LBP: variants seen among roughly 807,000 people sequenced by gnomAD.
LBP encodes the protein lipopolysaccharide-binding protein.
Under a neutral mutation model 56.6 loss-of-function variants are expected in LBP, and 53 were observed. The ratio of observed to expected loss-of-function variants is 0.94; its 90% CI spans 0.75 to 1.18. LBP has a LOEUF of 1.18. LBP is among the 50% of genes most tolerant of loss of function. The probability of loss-of-function intolerance (pLI) is 0.00; values close to 1 mark genes in which losing one functional copy is unlikely to be tolerated. For missense variants in LBP, 601 were observed against 598.3 expected, an observed-to-expected ratio of 1.00 and a Z score of -0.05; for synonymous variants, 227 against 247.5, an observed-to-expected ratio of 0.92 and a Z score of 0.78.
At chr20:38,371,163 C>T (rs569785633) in intron 11 of LBP, 117 bp from the exon 12 acceptor site, 131 of 740,442 alleles carry the variant, frequency 1.8e-4, no homozygotes, top group African/African-American at 1.7e-3. Context: ...CTCCTGCTCC[C>T]GCCCTACCTT....
chr20:38,360,888 C>T (rs552908835), intron 6 of LBP, 121 bp downstream of exon 6: 22 of 685,484 alleles, frequency 3.2e-5, no homozygotes, highest in South Asian at 2.7e-4. Context: ...AAGGGCCAGG[C>T]GCAGCGGCTC....
intron 9 of LBP, 112 bp from the exon 10 acceptor site, chr20:38,368,883 G>A (rs1038253694): frequency 2.2e-5 from 24 of 1,114,974 alleles, no homozygotes; most frequent in South Asian, 1.1e-4. Context: ...GAATTTTGTT[G>A]GAAATAAAAT....
Position 38,365,773 on chromosome 20 carries a change from A to C in LBP, c.922-996A>C, listed in dbSNP as rs1402660472. Among the ~76,000 whole-genome samples, 5 of 149,518 alleles carry C rather than the reference A, an allele frequency of 3.3e-5. No homozygotes were observed. The East Asian group carries it at 9.7e-4, about 29-fold the overall frequency. On this transcript the variant is annotated intron_variant, in intron 8 of 14. Transcript: ENST00000217407. The stretch of plus-strand genomic sequence containing the variant: ...ATATGTGAATGAGGCAAGATAATAC[A>C]TGCACTGATAAATGCATATATTTTC...
intron 9 of LBP, 60 bp from the exon 10 acceptor site, chr20:38,368,935 C>G: frequency 1.9e-6 from 3 of 1,543,230 alleles, no homozygotes; most frequent in Non-Finnish European, 1.8e-6. Flanking sequence ...TCCCTCAGGC[C>G]TCTCCTGGCA....
intron 6 of LBP, among the ~76,000 whole-genome samples, chr20:38,363,163 A>C (rs1213618278): frequency 6.6e-6 from 1 of 152,080 alleles, no homozygotes; most frequent in Non-Finnish European, 1.5e-5. Context: ...CTATGGTCGC[A>C]TGTCTTTGGG....
rs138723108 is a variant in LBP at position 38,370,802 on chromosome 20, G to T, written c.1214G>T (p.Gly405Val). The change falls in exon 11 of 15, where the codon GGA (glycine) becomes GTA (valine). Residue 405 changes from glycine (G) to valine (V), a missense_variant. Physicochemically the swap from Gly to Val is moderately radical, Grantham distance 109. Coordinates refer to ENST00000217407, the MANE Select transcript of LBP (RefSeq NM_004139.5). The stretch of plus-strand genomic sequence containing the variant: ...AAGATCACTGGGTTCCTGAAGCCAG[G>T]AAAGTAAGTTGGCCTCCTACCTACA... ...TSKITGFLKP[G>V]KVKVELKESK... 13 of 1,613,682 alleles carry T rather than the reference G, an allele frequency of 8.1e-6. No individual in the cohort carries two copies. In the East Asian group the frequency reaches 2.2e-4, roughly 28 times the overall value.
chr20:38,360,865 G>A, intron 6 of LBP, 98 bp downstream of exon 6: 1 of 954,066 alleles, frequency 1.0e-6, no homozygotes. Flanking sequence ...CAAAAATATA[G>A]AAAGTAAAAA....
At chr20:38,374,110 C>A in intron 14 of LBP, 97 bp downstream of exon 14, 1 of 1,280,246 alleles carries the variant, frequency 7.8e-7, no homozygotes, top group Non-Finnish European at 1.1e-6. Flanking sequence ...CCCAGCCCAG[C>A]CCTGCAGCTG....
chr20:38,352,839 A>C (rs2076825224), intron 3 of LBP, among the ~76,000 whole-genome samples: 1 of 152,028 alleles, frequency 6.6e-6, no homozygotes, highest in African/African-American at 2.4e-5. Flanking sequence ...TTATAAATAA[A>C]TAAATCTCAT....
chr20:38,361,388 T>C (rs79741204), intron 6 of LBP, among the ~76,000 whole-genome samples: 3,724 of 152,204 alleles, frequency 0.024, 161 homozygotes, highest in African/African-American at 0.084. Flanking sequence ...TTCATATACA[T>C]ATAGTATAGG....
intron 12 of LBP, 51 bp downstream of exon 12, chr20:38,371,373 G>A: frequency 2.2e-6 from 3 of 1,384,512 alleles, no homozygotes; most frequent in South Asian, 1.2e-5. Flanking sequence ...AATTTGGGGT[G>A]TTTCCTAAGC....
At chr20:38,372,668 G>A (rs749833882) in intron 12 of LBP, among the ~76,000 whole-genome samples, 7 of 152,118 alleles carry the variant, frequency 4.6e-5, no homozygotes, top group East Asian at 1.9e-4. Context: ...AGACATGCAC[G>A]TAAAGCTCTG....
Position 38,366,820 on chromosome 20 carries a change from G to A in LBP, c.973G>A (p.Val325Ile), listed in dbSNP as rs143256886. Residue 325 changes from valine to isoleucine, a missense_variant, in exon 9 of 15, where the codon GTC (valine) becomes ATC (isoleucine). Val to Ile is a conservative substitution (Grantham distance 29). Transcript: ENST00000217407. ...GACCACCAAGTCCTTCCGACCCTTC[G>A]TCCCACGGGTAAGGAGTCCCTTAGT... is the stretch of plus-strand genomic sequence containing the variant. ...RLTTKSFRPF[V>I]PRLARLYPNM... The A allele has an allele frequency of 3.9e-5, 63 of 1,613,896 alleles. No homozygotes were observed. The African/African-American group carries it at 5.2e-4, about 13-fold the overall frequency.
Position 38,370,720 on chromosome 20 carries a change from T to G in LBP, c.1150-18T>G, listed in dbSNP as rs2076897962. On this transcript the variant is annotated intron_variant, in intron 10 of 14. Coordinates refer to ENST00000217407, the MANE Select transcript of LBP (RefSeq NM_004139.5). Reference sequence around the variant, plus strand: ...ACCTTCATCACTTACACCTGCTTCCTTCTTCTGGCATTTCCAGGCCACTAA... The same window carrying G: ...ACCTTCATCACTTACACCTGCTTCCGTCTTCTGGCATTTCCAGGCCACTAA... The G allele has an allele frequency of 2.5e-6, 4 of 1,611,814 alleles. No individual in the cohort carries two copies. Among genetic ancestry groups the G allele is most frequent in the Non-Finnish European group, 3.4e-6 (4 of 1,178,012 alleles).
intron 6 of LBP, among the ~76,000 whole-genome samples, chr20:38,361,843 C>T (rs1359610203): frequency 6.6e-6 from 1 of 151,878 alleles, no homozygotes; most frequent in Non-Finnish European, 1.5e-5. Flanking sequence ...TTTTTCAGAG[C>T]CCCTGGTGTC....
At chr20:38,357,576 G>A (rs2076845729) in intron 5 of LBP, among the ~76,000 whole-genome samples, 1 of 152,210 alleles carries the variant, frequency 6.6e-6, no homozygotes, top group Non-Finnish European at 1.5e-5. Flanking sequence ...TCCTGATCCA[G>A]AACCTCAAGA....
intron 4 of LBP, 84 bp downstream of exon 4, chr20:38,354,523 T>G: frequency 7.6e-7 from 1 of 1,311,120 alleles, no homozygotes; most frequent in South Asian, 1.5e-5. Context: ...CTCCGATAAT[T>G]GCAATGATCC....
intron 5 of LBP, among the ~76,000 whole-genome samples, chr20:38,358,567 T>C (rs1038519069): frequency 6.6e-6 from 1 of 152,192 alleles, no homozygotes; most frequent in Admixed American, 6.5e-5. Flanking sequence ...CTCACCACAC[T>C]TGACCTTGCT....
At chr20:38,350,761 G>C (rs371618770) in intron 2 of LBP, 50 bp from the exon 3 acceptor site, 1 of 1,566,054 alleles carries the variant, frequency 6.4e-7, no homozygotes, top group South Asian at 1.2e-5. Flanking sequence ...CCCTGGTGAG[G>C]CTGGGTCCAG....
Sources: gnomAD v4.1 joint callset for allele counts (sites outside exome capture counted in the v4.1 genomes callset) on GRCh38, gnomAD v4.1.1 for gene constraint, MANE v1.5 for transcripts, NCBI Gene and HGNC (gene_info 2026-07-23, HGNC 2026-07-21) for gene names.